GART: variants seen among roughly 807,000 people sequenced by gnomAD.
The protein encoded by GART is phosphoribosylglycinamide formyltransferase, phosphoribosylglycinamide synthetase, phosphoribosylaminoimidazole synthetase.
GART carries 43 observed loss-of-function variants against 107.2 expected under a neutral mutation model. That is an observed-to-expected ratio of 0.40 (90% CI 0.31 to 0.52). GART has a LOEUF of 0.52. Ranked by LOEUF, GART falls within the 20% of genes least tolerant of loss-of-function variation. The probability of loss-of-function intolerance (pLI) is 0.52; values close to 1 mark genes in which losing one functional copy is unlikely to be tolerated. For synonymous variants in GART, 434 were observed against 427.0 expected, an observed-to-expected ratio of 1.02 and a Z score of -0.20; for missense variants, 1,107 against 1,206.5, an observed-to-expected ratio of 0.92 and a Z score of 1.22.
chr21:33,535,056 T>C (rs1397052190), intron 3 of GART, among the ~76,000 whole-genome samples, 169 bp downstream of exon 3: 1 of 152,206 alleles, frequency 6.6e-6, no homozygotes, highest in Non-Finnish European at 1.5e-5. Context: ...ACTCATCATA[T>C]AACTGATGCT....
rs760101056 is a variant in GART, at chr21:33,520,403, T to C, written c.1663A>G (p.Ile555Val). ...CCAGCTTTTCCACAAGCTTTAGCAA[T>C]TCCAGCAACAACAGCTTCAGTTACA... ...LSVTEAVVAG[I>V]AKACGKAGCA... Residue 555 changes from isoleucine to valine, a missense_variant, in exon 14 of 22, where the codon ATT becomes GTT. Physicochemically the swap from Ile to Val is conservative, Grantham distance 29 (BLOSUM62 3). Transcript: ENST00000381815. 15 of 1,614,014 alleles carry C rather than the reference T, an allele frequency of 9.3e-6. No individual in the cohort carries two copies. In the African/African-American group the frequency reaches 2.0e-4, roughly 22 times the overall value.
In GART at chr21:33,504,103, C is replaced by T. The variant is rs1221420125; in HGVS notation, c.*21G>A. 1 of 1,576,974 alleles carries T rather than the reference C, an allele frequency of 6.3e-7. No homozygotes were observed. The highest frequency in any genetic ancestry group is 8.6e-7 in the Non-Finnish European group (1 of 1,158,752). On this transcript the variant is annotated 3_prime_UTR_variant, in exon 22 of 22. Coordinates refer to ENST00000381815, the MANE Select transcript of GART (RefSeq NM_000819.5). ...GCAAATAATTCTTTCTAAACTGGCCCCATTTCTGAATTAAAAGGCTTCATT... is the reference window on the plus strand; with the variant it reads ...GCAAATAATTCTTTCTAAACTGGCCTCATTTCTGAATTAAAAGGCTTCATT...
At chr21:33,512,594 T>A (rs2084805322) in intron 16 of GART, among the ~76,000 whole-genome samples, 1 of 151,620 alleles carries the variant, frequency 6.6e-6, no homozygotes, top group African/African-American at 2.4e-5. Context: ...ATTGGATAAT[T>A]TTTTTTTTCT....
At chr21:33,530,104 A>T (rs1472703238) in intron 7 of GART, among the ~76,000 whole-genome samples, 1 of 152,200 alleles carries the variant, frequency 6.6e-6, no homozygotes, top group Non-Finnish European at 1.5e-5. Context: ...AGGCAGGAGA[A>T]TCACTTGAAC....
chr21:33,528,494 G>T, intron 9 of GART, 25 bp downstream of exon 9: 6 of 1,568,970 alleles, frequency 3.8e-6, no homozygotes, highest in Non-Finnish European at 5.2e-6. Flanking sequence ...CTTCTACCAA[G>T]TAATACTTTG....
In GART at chr21:33,517,411, A is replaced by AT; in HGVS notation, c.1899dup (p.Ser634IlefsTer11). ...GCTGGAGAGGAGTACTGGAGGGAAG[A>AT]TTTTGCCACGATTTTCCTCACAAGG... On this transcript the variant is annotated frameshift_variant, in exon 15 of 22. Coordinates refer to ENST00000381815, the MANE Select transcript of GART (RefSeq NM_000819.5). LOFTEE classifies it high-confidence loss of function. 1 of 1,614,150 alleles carries AT rather than the reference A, an allele frequency of 6.2e-7. No homozygotes were observed. Among genetic ancestry groups the AT allele is most frequent in the Non-Finnish European group, 8.5e-7 (1 of 1,180,018 alleles).
At chr21:33,540,939 T>A (rs930472724) in intron 1 of GART, among the ~76,000 whole-genome samples, 3 of 151,656 alleles carry the variant, frequency 2.0e-5, no homozygotes, top group Non-Finnish European at 4.4e-5. Context: ...TTGCTGGAGG[T>A]CACACAGGTA....
intron 18 of GART, among the ~76,000 whole-genome samples, chr21:33,507,564 T>C (rs1027133930): frequency 6.6e-6 from 1 of 152,204 alleles, no homozygotes; most frequent in Admixed American, 6.5e-5. Context: ...CTCACACCTA[T>C]AATCCCAGCA....
chr21:33,518,848 G>A, intron 14 of GART: 1 of 534,978 alleles, frequency 1.9e-6, no homozygotes, highest in Non-Finnish European at 3.7e-6. Flanking sequence ...TTAAGATGCT[G>A]GTAGCATTTC....
Position 33,531,481 on chromosome 21 carries a change from A to G in GART, c.597+8T>C. ...CACTACAAAAGCCAAAAAGATGAAT[A>G]TACATACCGACACCTCTTCTCCGTC... is the stretch of plus-strand genomic sequence containing the variant. On this transcript the variant is annotated splice_region_variant and intron_variant, in intron 6 of 21. Transcript: ENST00000381815. 6.2e-7 allele frequency: 1 copy of G among 1,612,132 alleles called. No homozygotes were observed. Among genetic ancestry groups the G allele is most frequent in the Admixed American group, 1.7e-5 (1 of 59,840 alleles).
chr21:33,511,137 G>T, intron 17 of GART, 115 bp downstream of exon 17: 2 of 980,376 alleles, frequency 2.0e-6, no homozygotes, highest in Non-Finnish European at 3.2e-6. Flanking sequence ...AAAGATAGTT[G>T]CCATAGCGAT....
Position 33,511,375 on chromosome 21 carries a change from A to C in GART, c.2191T>G (p.Phe731Val). 1 of 1,614,098 alleles carries C rather than the reference A, an allele frequency of 6.2e-7. No homozygotes were observed. The highest frequency in any genetic ancestry group is 8.5e-7 in the Non-Finnish European group (1 of 1,180,028). Residue 731 changes from phenylalanine to valine, a missense_variant, in exon 17 of 22, where the codon TTT becomes GTT. Physicochemically the swap from Phe to Val is conservative, Grantham distance 50. Transcript: ENST00000381815. The part of the protein sequence containing the change: ...HLSEEEMART[F>V]NCGVGAVLVV... ...AGGACAGCGCCAACCCCACAGTTAA[A>C]TGTTCTGGCCATCTCTTCCTCAGAG...
intron 4 of GART, among the ~76,000 whole-genome samples, chr21:33,533,488 TAAATA>T (rs1442220999): frequency 2.0e-5 from 3 of 149,466 alleles, no homozygotes; most frequent in Non-Finnish European, 4.5e-5. Flanking sequence ...AATAAATAAA[TAAATA>T]AAATAAAATG....
At chr21:33,522,159 A>T (rs1336073098) in intron 12 of GART, 29 bp downstream of exon 12, 2 of 1,514,300 alleles carry the variant, frequency 1.3e-6, no homozygotes, top group African/African-American at 2.7e-5. Context: ...ATCAAAGTTA[A>T]TGAATTAGCA....
intron 17 of GART, 109 bp from the exon 18 acceptor site, chr21:33,510,029 A>G (rs1316315239): frequency 1.0e-5 from 10 of 975,178 alleles, no homozygotes; most frequent in Middle Eastern, 2.5e-4. Context: ...TATCCTGAAA[A>G]TAAGATAATG....
upstream of GART, chr21:33,542,783 C>G (rs1267761049): frequency 2.3e-6 from 1 of 438,896 alleles, no homozygotes; most frequent in Admixed American, 3.6e-5. Flanking sequence ...TGGGGACTGA[C>G]AACTTATGCG....
rs368955911 is a variant in GART at position 33,517,528 on chromosome 21, G to A, written c.1783C>T (p.Arg595Ter). ...LAGFAVGAME[R>*]DQKLPHLERI... ...TCCAGGTGAGGGAGTTTCTGATCTC[G>A]CTCCATGGCACCAACGGCAAACCCA... The change falls in exon 15 of 22, where the codon CGA becomes TGA. Residue 595 changes from arginine to a stop codon, truncating the protein, a stop_gained. Transcript: ENST00000381815. LOFTEE classifies it high-confidence loss of function. 4 of 1,614,086 alleles carry A rather than the reference G, an allele frequency of 2.5e-6. No individual in the cohort carries two copies. Among genetic ancestry groups the A allele is most frequent in the Non-Finnish European group, 3.4e-6 (4 of 1,180,014 alleles).
intron 12 of GART, 73 bp downstream of exon 12, chr21:33,522,115 T>G: frequency 2.6e-6 from 3 of 1,165,088 alleles, no homozygotes; most frequent in Non-Finnish European, 3.8e-6. Flanking sequence ...AATATTCCTG[T>G]TAAATATAAA....
intron 12 of GART, 103 bp from the exon 13 acceptor site, chr21:33,521,118 T>A (rs999450066): frequency 6.7e-5 from 54 of 802,906 alleles, no homozygotes; most frequent in Non-Finnish European, 9.3e-5. Context: ...TAGCGGCCTG[T>A]GAGATGTACT....
Sources: allele counts gnomAD v4.1 joint callset (sites outside exome capture counted in the v4.1 genomes callset), GRCh38; gene constraint gnomAD v4.1.1; transcripts MANE v1.5; gene names NCBI Gene and HGNC (gene_info 2026-07-23, HGNC 2026-07-21).